LAMA2: variants seen among roughly 807,000 people sequenced by gnomAD.
The protein encoded by LAMA2 is laminin subunit alpha-2.
In LAMA2, 269 loss-of-function variants were observed where a neutral mutation model predicts 364.8. The observed-to-expected ratio is 0.74, with a 90% CI of 0.67 to 0.82. LAMA2 has a LOEUF of 0.82. Among genes scored for constraint, LAMA2 ranks in the 40% least tolerant of loss-of-function variants. The pLI is 0.00. For missense variants in LAMA2, 3,807 were observed against 3,873.2 expected, an observed-to-expected ratio of 0.98 and a Z score of 0.45; for synonymous variants, 1,379 against 1,370.6, an observed-to-expected ratio of 1.01 and a Z score of -0.14.
intron 40 of LAMA2, among the ~76,000 whole-genome samples, chr6:129,407,536 T>C (rs980942071): frequency 1.3e-5 from 2 of 152,240 alleles, no homozygotes; most frequent in African/African-American, 4.8e-5. Context: ...AGTGTATACA[T>C]GCACAAACAT....
At chr6:129,448,216 G>A (rs1782488894) in intron 45 of LAMA2, among the ~76,000 whole-genome samples, 1 of 152,080 alleles carries the variant, frequency 6.6e-6, no homozygotes, top group South Asian at 2.1e-4. Flanking sequence ...TCTGGAGGAT[G>A]AGGCTGCAGT....
intron 7 of LAMA2, 102 bp from the exon 8 acceptor site, chr6:129,154,403 G>A: frequency 3.8e-6 from 4 of 1,040,872 alleles, no homozygotes; most frequent in Non-Finnish European, 5.7e-6. Flanking sequence ...GACAGAGTGA[G>A]ACTCTGTCTC....
intron 1 of LAMA2, among the ~76,000 whole-genome samples, chr6:128,960,811 C>G (rs1562872320): frequency 6.6e-6 from 1 of 151,582 alleles, no homozygotes; most frequent in Non-Finnish European, 1.5e-5. Flanking sequence ...ATATCTCATC[C>G]TGTTCTTGTT....
intron 3 of LAMA2, among the ~76,000 whole-genome samples, chr6:129,089,604 C>T (rs1156868191): frequency 6.6e-6 from 1 of 152,200 alleles, no homozygotes; most frequent in Admixed American, 6.5e-5. Context: ...GTGCCAATGA[C>T]TTATTCACAG....
intron 1 of LAMA2, among the ~76,000 whole-genome samples, chr6:128,947,063 A>T (rs952040351): frequency 6.6e-6 from 1 of 152,230 alleles, no homozygotes; most frequent in Non-Finnish European, 1.5e-5. Flanking sequence ...TATATCACAG[A>T]TAGCTTTTCT....
At chr6:129,335,298 G>C (rs963603849) in intron 29 of LAMA2, among the ~76,000 whole-genome samples, 7 of 152,082 alleles carry the variant, frequency 4.6e-5, no homozygotes, top group African/African-American at 1.7e-4. Context: ...AGTCCAAGGG[G>C]ATAGCGGGAG....
At chr6:128,963,019 A>G (rs1045075570) in intron 1 of LAMA2, among the ~76,000 whole-genome samples, 1 of 152,192 alleles carries the variant, frequency 6.6e-6, no homozygotes, top group African/African-American at 2.4e-5. Context: ...TGTCTTTTAA[A>G]TATTCCTTTT....
At chr6:129,306,478 G>A (rs989783828) in intron 22 of LAMA2, among the ~76,000 whole-genome samples, 6 of 150,768 alleles carry the variant, frequency 4.0e-5, no homozygotes, top group African/African-American at 7.3e-5. Context: ...AGTTAGATCT[G>A]TTGGCCCTGT....
chr6:128,901,951 C>G (rs1777110367), intron 1 of LAMA2, among the ~76,000 whole-genome samples: 1 of 152,176 alleles, frequency 6.6e-6, no homozygotes, highest in Non-Finnish European at 1.5e-5. Flanking sequence ...GGGCAATTTA[C>G]AAAGAGGTTT....
chr6:129,462,848 G>A (rs1173546996), intron 49 of LAMA2, among the ~76,000 whole-genome samples: 3 of 152,082 alleles, frequency 2.0e-5, no homozygotes, highest in African/African-American at 7.2e-5. Flanking sequence ...TGATTTCATG[G>A]AGAAGATGTA....
intron 12 of LAMA2, among the ~76,000 whole-genome samples, chr6:129,248,387 C>A (rs1034191928): frequency 6.6e-6 from 1 of 152,160 alleles, no homozygotes; most frequent in Non-Finnish European, 1.5e-5. Context: ...TTTTCTACTT[C>A]ATCTATAGTC....
intron 9 of LAMA2, among the ~76,000 whole-genome samples, chr6:129,169,905 C>T (rs868662147): frequency 1.3e-4 from 19 of 148,084 alleles, no homozygotes; most frequent in African/African-American, 3.8e-4. Flanking sequence ...GTGTATGTGT[C>T]GAGGAATTTA....
intron 2 of LAMA2, among the ~76,000 whole-genome samples, chr6:129,051,812 C>A (rs796788166): frequency 7.3e-5 from 11 of 151,586 alleles, no homozygotes; most frequent in African/African-American, 2.7e-4. Flanking sequence ...TGGAGGGAAA[C>A]CACCATTGGT....
At chr6:129,288,108 C>G in intron 19 of LAMA2, 50 bp downstream of exon 19, 1 of 1,489,940 alleles carries the variant, frequency 6.7e-7, no homozygotes, top group Non-Finnish European at 9.4e-7. Flanking sequence ...TATTGTACCT[C>G]AAAGTAGCTG....
intron 20 of LAMA2, chr6:129,292,987 G>A (rs917679710): frequency 3.0e-6 from 3 of 985,854 alleles, no homozygotes; most frequent in Non-Finnish European, 3.6e-6. Flanking sequence ...AGAGCGCAAC[G>A]GGTGCTGGGT....
intron 34 of LAMA2, among the ~76,000 whole-genome samples, chr6:129,380,146 G>A (rs1245205885): frequency 1.3e-5 from 2 of 152,184 alleles, no homozygotes; most frequent in African/African-American, 4.8e-5. Context: ...AAGAGAGCAT[G>A]TGCTAGAATA....
At position 128,967,550 on chromosome 6, in the gene LAMA2, A is replaced by G. The variant is rs117099280; in HGVS notation, c.113-82368A>G. On this transcript the variant is annotated intron_variant, in intron 1 of 64. Transcript: ENST00000421865. ...CTCATACTGTGCTAAGGGGGTGACT[A>G]AAATCTATATTGACCAATACTTGAT... 9.5e-3 allele frequency among the ~76,000 whole-genome samples: 1,449 copies of G among 152,288 alleles called. 17 individuals carry two copies. The highest frequency in any genetic ancestry group is 0.015 in the Non-Finnish European group (1,012 of 68,032).
At chr6:129,288,272 C>T (rs1026478165) in intron 19 of LAMA2, among the ~76,000 whole-genome samples, 2 of 152,100 alleles carry the variant, frequency 1.3e-5, no homozygotes, top group Middle Eastern at 3.2e-3. Context: ...ATTGAAGCAT[C>T]ACTGTTTTCC....
chr6:128,983,922 G>A (rs1475557988), intron 1 of LAMA2, among the ~76,000 whole-genome samples: 9 of 152,182 alleles, frequency 5.9e-5, no homozygotes, highest in Admixed American at 5.2e-4. Flanking sequence ...TCAGGTCAAG[G>A]TATGTTATGC....
Sources: allele counts gnomAD v4.1 joint callset (sites outside exome capture counted in the v4.1 genomes callset), GRCh38; gene constraint gnomAD v4.1.1; transcripts MANE v1.5; gene names NCBI Gene and HGNC (gene_info 2026-07-23, HGNC 2026-07-21).